Variants in HYKK observed in about 807,000 individuals in gnomAD.
HYKK encodes 5-hydroxy-L-lysine kinase.
In HYKK, 19 loss-of-function variants were observed where a neutral mutation model predicts 29.7. That is an observed-to-expected ratio of 0.64 (90% CI 0.45 to 0.94). The LOEUF (loss-of-function observed/expected upper bound fraction) is 0.94, where lower values mean the gene tolerates loss of function less well. Ranked by LOEUF, HYKK falls within the 40% of genes least tolerant of loss-of-function variation. The pLI, the probability that HYKK is intolerant of heterozygous loss-of-function variation, is 0.00. For synonymous variants in HYKK, 152 were observed against 158.1 expected (o/e 0.96, Z 0.29); for missense variants, 390 against 443.4 (o/e 0.88, Z 1.08).
chr15:78,531,381 T>A (rs1023934675), intron 4 of HYKK, among the ~76,000 whole-genome samples: 4 of 152,196 alleles, frequency 2.6e-5, no homozygotes, highest in Non-Finnish European at 5.9e-5. Flanking sequence ...TTGTTAATCA[T>A]TTTTAAATTT....
chr15:78,528,782 A>C, intron 4 of HYKK: 2 of 893,168 alleles, frequency 2.2e-6, no homozygotes, highest in Non-Finnish European at 2.7e-6. Context: ...AGCCTGGGCA[A>C]CAGAGCGAAA....
intron 1 of HYKK, among the ~76,000 whole-genome samples, chr15:78,510,515 G>A (rs1017726046): frequency 3.9e-5 from 6 of 152,016 alleles, no homozygotes; most frequent in Non-Finnish European, 7.4e-5. Flanking sequence ...ATTTTAACTT[G>A]AGTCATCAGG....
downstream of HYKK, chr15:78,537,268 T>A (rs1240997042): frequency 1.6e-6 from 1 of 636,950 alleles, no homozygotes. Context: ...ATATAATACA[T>A]AAATTAAATA....
Position 78,513,134 on chromosome 15 carries a change from A to C in HYKK, c.46A>C (p.Thr16Pro), listed in dbSNP as rs1337863289. 1.2e-6 allele frequency: 2 copies of C among 1,613,908 alleles called. No individual in the cohort carries two copies. The highest frequency in any genetic ancestry group is 1.7e-6 in the Non-Finnish European group (2 of 1,179,974). The change falls in exon 2 of 5, where the codon ACT becomes CCT. Residue 16 changes from threonine to proline, a missense_variant. Thr to Pro is a conservative substitution (Grantham distance 38). Transcript: ENST00000388988. ...YQQSEALSKPTFSEEQASALV... is the reference protein window; with the variant it reads ...YQQSEALSKPPFSEEQASALV... Reference sequence around the variant, plus strand: ...GCAGTCAGAGGCTCTTAGCAAACCCACTTTCAGTGAGGAACAAGCCTCTGC... The same window carrying C: ...GCAGTCAGAGGCTCTTAGCAAACCCCCTTTCAGTGAGGAACAAGCCTCTGC...
At chr15:78,512,403 T>TC (rs1264852402) in intron 1 of HYKK, among the ~76,000 whole-genome samples, 51 of 144,140 alleles carry the variant, frequency 3.5e-4, no homozygotes, top group African/African-American at 1.3e-3. Flanking sequence ...TCTTTTTCTT[T>TC]TTTTTTTTTT....
intron 3 of HYKK, among the ~76,000 whole-genome samples, chr15:78,519,140 G>A (rs2052166037): frequency 1.3e-5 from 2 of 152,038 alleles, no homozygotes. Context: ...CATGCGCCAC[G>A]CTATTCCACA....
chr15:78,508,036 C>A (rs1371689191), intron 1 of HYKK, among the ~76,000 whole-genome samples: 1 of 152,200 alleles, frequency 6.6e-6, no homozygotes, highest in Non-Finnish European at 1.5e-5. Context: ...CTTACTCATG[C>A]GCCCTCCTCC....
chr15:78,530,757 G>C (rs182984532), intron 4 of HYKK, among the ~76,000 whole-genome samples: 54 of 152,098 alleles, frequency 3.6e-4, no homozygotes, highest in Middle Eastern at 3.4e-3. Context: ...TGCCCAGGCT[G>C]GTCTTGAACT....
At chr15:78,514,062 G>A (rs1201226148) in intron 2 of HYKK, among the ~76,000 whole-genome samples, 1 of 151,790 alleles carries the variant, frequency 6.6e-6, no homozygotes, top group South Asian at 2.1e-4. Context: ...AAAGTGCTGG[G>A]ATTACAGGCA....
intron 3 of HYKK, among the ~76,000 whole-genome samples, chr15:78,521,311 A>G (rs1412984500): frequency 1.3e-5 from 2 of 152,064 alleles, no homozygotes; most frequent in Non-Finnish European, 2.9e-5. Flanking sequence ...AGATTTCATT[A>G]ATTATAAGAA....
At chr15:78,511,545 T>G (rs533555507) in intron 1 of HYKK, among the ~76,000 whole-genome samples, 1 of 151,594 alleles carries the variant, frequency 6.6e-6, no homozygotes, top group South Asian at 2.1e-4. Context: ...CTGGCCAACA[T>G]GGTGAAAGCC....
intron 1 of HYKK, among the ~76,000 whole-genome samples, chr15:78,508,445 A>C (rs186112426): frequency 3.9e-5 from 6 of 152,270 alleles, no homozygotes; most frequent in Admixed American, 3.9e-4. Context: ...GGAAAGAATC[A>C]AGAATGACTC....
At chr15:78,515,893 AT>A (rs1396577198) in intron 3 of HYKK, among the ~76,000 whole-genome samples, 2 of 151,740 alleles carry the variant, frequency 1.3e-5, no homozygotes, top group East Asian at 1.9e-4. Context: ...CAGCCCAAAA[AT>A]TTTTTTTAAA....
intron 4 of HYKK, among the ~76,000 whole-genome samples, chr15:78,529,987 C>T (rs1249202888): frequency 1.3e-5 from 2 of 151,726 alleles, no homozygotes; most frequent in East Asian, 3.9e-4. Flanking sequence ...AACCTATCCA[C>T]CATCATGCCT....
Position 78,527,412 on chromosome 15 carries a change from T to C in HYKK, c.510T>C (p.His170=). ...ATCACCCAAAGTTAAGTAGTCTTCA[T>C]CGGGAGAACTTCATCTGGAATCTGA... ...RFHHPKLSSL[H]RENFIWNLKN... The change falls in exon 4 of 5, where the codon CAT becomes CAC. Residue 170 remains histidine, a synonymous_variant. Coordinates refer to ENST00000388988, the MANE Select transcript of HYKK (RefSeq NM_001013619.4). 2 of 1,614,018 alleles carry C rather than the reference T, an allele frequency of 1.2e-6. No individual in the cohort carries two copies. The highest frequency in any genetic ancestry group is 1.7e-6 in the Non-Finnish European group (2 of 1,179,916).
intron 1 of HYKK, among the ~76,000 whole-genome samples, chr15:78,509,058 A>G (rs1272253451): frequency 6.6e-6 from 1 of 152,034 alleles, no homozygotes; most frequent in Non-Finnish European, 1.5e-5. Flanking sequence ...ACAAAAAAAA[A>G]AAAATTCCCC....
intron 4 of HYKK, chr15:78,527,795 T>G: frequency 8.5e-7 from 1 of 1,182,558 alleles, no homozygotes; most frequent in East Asian, 4.0e-5. Context: ...AATTTGCACA[T>G]TACATATGTA....
chr15:78,522,677 G>C (rs2052210131), intron 3 of HYKK, among the ~76,000 whole-genome samples: 3 of 151,856 alleles, frequency 2.0e-5, no homozygotes, highest in Admixed American at 2.0e-4. Flanking sequence ...AGGAGTTCCA[G>C]ACCAGCCTGG....
At chr15:78,525,938 A>T (rs1446526901) in intron 3 of HYKK, among the ~76,000 whole-genome samples, 1 of 152,180 alleles carries the variant, frequency 6.6e-6, no homozygotes, top group East Asian at 1.9e-4. Context: ...AGTCATGCAA[A>T]AAAGTTTGAA....
Sources: allele counts gnomAD v4.1 joint callset (sites outside exome capture counted in the v4.1 genomes callset), GRCh38; gene constraint gnomAD v4.1.1; transcripts MANE v1.5; gene names NCBI Gene and HGNC (gene_info 2026-07-23, HGNC 2026-07-21).